VANGL2: variants seen among roughly 807,000 people sequenced by gnomAD.
VANGL2 encodes VANGL planar cell polarity protein 2.
A neutral mutation model predicts 50.2 loss-of-function variants in VANGL2; 14 were observed. The ratio of observed to expected loss-of-function variants is 0.28; its 90% CI spans 0.18 to 0.44. The LOEUF (loss-of-function observed/expected upper bound fraction) is 0.44, where lower values mean the gene tolerates loss of function less well. VANGL2 is among the 20% of genes least tolerant of loss of function. The pLI is 1.00. For missense variants in VANGL2, 533 were observed against 701.5 expected, an observed-to-expected ratio of 0.76 and a Z score of 2.71; for synonymous variants, 295 against 297.2, an observed-to-expected ratio of 0.99 and a Z score of 0.08.
At chr1:160,423,256 A>G (rs1651333276) in intron 6 of VANGL2, among the ~76,000 whole-genome samples, 1 of 151,658 alleles carries the variant, frequency 6.6e-6, no homozygotes, top group African/African-American at 2.4e-5. Context: ...TTCCTCCTTA[A>G]CACTGTGTTT....
chr1:160,405,702 C>T (rs920688618), intron 1 of VANGL2, among the ~76,000 whole-genome samples: 30 of 152,072 alleles, frequency 2.0e-4, no homozygotes, highest in African/African-American at 7.2e-4. Flanking sequence ...CCGCTCCACA[C>T]ACAGCTGGGC....
intron 1 of VANGL2, among the ~76,000 whole-genome samples, chr1:160,411,780 T>C (rs1650889500): frequency 6.6e-6 from 1 of 152,158 alleles, no homozygotes; most frequent in East Asian, 1.9e-4. Flanking sequence ...CTGGTACCCT[T>C]GTCTGGTTTG....
At chr1:160,410,315 GCCC>G in intron 1 of VANGL2, among the ~76,000 whole-genome samples, 1 of 152,206 alleles carries the variant, frequency 6.6e-6, no homozygotes, top group South Asian at 2.1e-4. Context: ...AACACTAGGT[GCCC>G]TTTTTAGGTA....
chr1:160,414,137 C>T (rs1650978006), intron 1 of VANGL2, among the ~76,000 whole-genome samples: 2 of 152,236 alleles, frequency 1.3e-5, no homozygotes. Flanking sequence ...GCAGTCGCCT[C>T]CTTATTGATC....
At chr1:160,423,980 G>A (rs1651360540) in intron 6 of VANGL2, 72 bp from the exon 7 acceptor site, 5 of 1,550,960 alleles carry the variant, frequency 3.2e-6, no homozygotes, top group Non-Finnish European at 4.4e-6. Flanking sequence ...CTGGAGTGTT[G>A]GAGCTAGGGG....
chr1:160,424,550 C>T (rs750594905), intron 7 of VANGL2, among the ~76,000 whole-genome samples: 5 of 152,142 alleles, frequency 3.3e-5, no homozygotes, highest in South Asian at 4.1e-4. Flanking sequence ...ATGAGGGCTC[C>T]GGAATTACCA....
chr1:160,405,047 A>G (rs1650604184), intron 1 of VANGL2, among the ~76,000 whole-genome samples: 1 of 152,084 alleles, frequency 6.6e-6, no homozygotes, highest in Non-Finnish European at 1.5e-5. Flanking sequence ...GCCTCTTCTC[A>G]GGGTCTGGGC....
rs146421127 is a variant in VANGL2, at chr1:160,419,341, G to C, written c.532G>C (p.Val178Leu). ...FRRPKASLPR[V>L]FVLRALLMVL... ...CCGGCCCAAGGCCTCGCTGCCCCGC[G>C]TCTTTGTGCTGCGTGCCCTGCTTAT... The change falls in exon 4 of 8, where the codon GTC becomes CTC. Residue 178 changes from valine (V) to leucine (L), a missense_variant. Transcript: ENST00000368061. This position sits in a 1 kb window ranked among gnomAD's most constrained non-coding sequence, Gnocchi z 5.8. 2 of 1,610,930 alleles carry C rather than the reference G, an allele frequency of 1.2e-6. No individual in the cohort carries two copies. The highest frequency in any genetic ancestry group is 3.3e-5 in the Admixed American group (2 of 60,008).
intron 1 of VANGL2, among the ~76,000 whole-genome samples, chr1:160,407,229 A>G (rs1188498220): frequency 6.6e-6 from 1 of 152,172 alleles, no homozygotes. Context: ...AATCTCAGGT[A>G]GGGGGGTGGT....
chr1:160,408,949 T>C (rs4656257), intron 1 of VANGL2, among the ~76,000 whole-genome samples: 92,213 of 152,248 alleles, frequency 0.61, 30,519 homozygotes, highest in African/African-American at 0.89. Context: ...GGCTTGCCCA[T>C]AGCCCAAGGC....
At position 160,425,131 on chromosome 1, in the gene VANGL2, G is replaced by A. The variant is rs1651404624; in HGVS notation, c.1319G>A (p.Arg440Gln). 1.2e-6 allele frequency: 2 copies of A among 1,613,964 alleles called. No homozygotes were observed. Among genetic ancestry groups the A allele is most frequent in the African/African-American group, 1.3e-5 (1 of 74,884 alleles). Residue 440 changes from arginine to glutamine, a missense_variant, in exon 8 of 8, where the codon CGA becomes CAA. Physicochemically the swap from Arg to Gln is conservative, Grantham distance 43. Transcript: ENST00000368061. ...TTTCCACTTCAGGCCTTCTTGGAGC[G>A]ATACTTGGCGGCTGGACCTACCATC... is the stretch of plus-strand genomic sequence containing the variant. ...HDMTPKAFLERYLAAGPTIQY... is the reference protein window; with the variant it reads ...HDMTPKAFLEQYLAAGPTIQY...
chr1:160,424,030 C>T (rs1403754797), intron 6 of VANGL2, 22 bp from the exon 7 acceptor site: 1 of 1,613,196 alleles, frequency 6.2e-7, no homozygotes. Context: ...GGCATCTGGC[C>T]CAGTCCCCTC....
chr1:160,413,630 CTG>C (rs1359003226), intron 1 of VANGL2, among the ~76,000 whole-genome samples: 10 of 152,266 alleles, frequency 6.6e-5, no homozygotes, highest in Admixed American at 1.3e-4. Context: ...CCTCAAAACA[CTG>C]TTAAATTTCT....
chr1:160,409,794 C>T (rs910877408), intron 1 of VANGL2, among the ~76,000 whole-genome samples: 1 of 152,224 alleles, frequency 6.6e-6, no homozygotes. Context: ...GGATCCTGGG[C>T]TGGGAGGTTG....
In VANGL2 at chr1:160,400,593, G is replaced by A. The variant is rs1349288454; in HGVS notation, c.-467G>A. 6.8e-6 allele frequency: 1 copy of A among 147,684 alleles called. No individual in the cohort carries two copies. Among genetic ancestry groups the A allele is most frequent in the African/African-American group, 2.5e-5 (1 of 39,890 alleles). 9.1% of individuals were successfully genotyped at this position (147,684 alleles called of 1,614,324 possible). ...GCCGCCGGCTCCCGATCTGATTCCT[G>A]ATCCTTGATTCCTTGATCCTTGGTC... On this transcript the variant is annotated 5_prime_UTR_variant, in exon 1 of 8. Coordinates refer to ENST00000368061, the MANE Select transcript of VANGL2 (RefSeq NM_020335.3).
At chr1:160,412,303 T>C (rs1015014644) in intron 1 of VANGL2, among the ~76,000 whole-genome samples, 1 of 151,960 alleles carries the variant, frequency 6.6e-6, no homozygotes, top group Non-Finnish European at 1.5e-5. Context: ...ATCTAGTGTG[T>C]GTGTCTAGAC....
intron 1 of VANGL2, among the ~76,000 whole-genome samples, chr1:160,402,062 G>T (rs1650486255): frequency 6.6e-6 from 1 of 152,192 alleles, no homozygotes; most frequent in South Asian, 2.1e-4. Context: ...GGGTTTAGGG[G>T]TAGTACCTTA....
At chr1:160,404,149 G>A (rs1335577802) in intron 1 of VANGL2, among the ~76,000 whole-genome samples, 1 of 152,190 alleles carries the variant, frequency 6.6e-6, no homozygotes, top group Non-Finnish European at 1.5e-5. Flanking sequence ...CTTTGGTTCT[G>A]ATCTTCCTTT....
chr1:160,419,341 G>T lies in VANGL2; in HGVS notation c.532G>T (p.Val178Phe). ...FRRPKASLPR[V>F]FVLRALLMVL... ...CCGGCCCAAGGCCTCGCTGCCCCGCGTCTTTGTGCTGCGTGCCCTGCTTAT... is the reference window on the plus strand; with the variant it reads ...CCGGCCCAAGGCCTCGCTGCCCCGCTTCTTTGTGCTGCGTGCCCTGCTTAT... The change falls in exon 4 of 8, where the codon GTC becomes TTC. Residue 178 changes from valine to phenylalanine, a missense_variant. Coordinates refer to ENST00000368061, the MANE Select transcript of VANGL2 (RefSeq NM_020335.3). The surrounding 1 kb of genome is among the most constrained non-coding windows in gnomAD (Gnocchi z 5.8). 1 of 1,611,048 alleles carries T rather than the reference G, an allele frequency of 6.2e-7. No individual in the cohort carries two copies. Among genetic ancestry groups the T allele is most frequent in the Non-Finnish European group, 8.5e-7 (1 of 1,180,010 alleles).
Sources: allele counts gnomAD v4.1 joint callset (sites outside exome capture counted in the v4.1 genomes callset), GRCh38; gene constraint gnomAD v4.1.1; non-coding constraint Gnocchi (gnomAD v3.1); transcripts MANE v1.5; gene names NCBI Gene and HGNC (gene_info 2026-07-23, HGNC 2026-07-21).